ATP8B4: variants seen among roughly 807,000 people sequenced by gnomAD.
ATP8B4 encodes probable phospholipid-transporting ATPase IM.
A neutral mutation model predicts 145.6 loss-of-function variants in ATP8B4; 133 were observed. The ratio of observed to expected loss-of-function variants is 0.91; its 90% CI spans 0.79 to 1.05. ATP8B4 has a LOEUF of 1.05. Among genes scored for constraint, ATP8B4 ranks in the 50% least tolerant of loss-of-function variants. The pLI, the probability that ATP8B4 is intolerant of heterozygous loss-of-function variation, is 0.00. For missense variants in ATP8B4, 1,458 were observed against 1,425.2 expected (o/e 1.02, Z -0.37); for synonymous variants, 507 against 492.9 (o/e 1.03, Z -0.38).
At chr15:50,142,441 C>G (rs150080785) in intron 1 of ATP8B4, among the ~76,000 whole-genome samples, 1 of 152,122 alleles carries the variant, frequency 6.6e-6, no homozygotes, top group Non-Finnish European at 1.5e-5. Flanking sequence ...CTGTCACGCC[C>G]CTTCCCACTC....
chr15:50,018,571 A>C (rs2049283970), intron 6 of ATP8B4, among the ~76,000 whole-genome samples: 1 of 152,214 alleles, frequency 6.6e-6, no homozygotes, highest in Non-Finnish European at 1.5e-5. Flanking sequence ...GAATACCTGC[A>C]CTTCAGAATG....
At chr15:49,871,856 T>A (rs2033712128) in intron 25 of ATP8B4, among the ~76,000 whole-genome samples, 2 of 152,194 alleles carry the variant, frequency 1.3e-5, no homozygotes, top group African/African-American at 2.4e-5. Context: ...CTAGCTGTTT[T>A]AGGCCCTCAA....
chr15:50,106,712 T>C (rs187184385), intron 2 of ATP8B4, among the ~76,000 whole-genome samples: 13 of 152,282 alleles, frequency 8.5e-5, no homozygotes, highest in East Asian at 1.9e-4. Flanking sequence ...GTAGAAAGAA[T>C]GAACGAAAAG....
chr15:49,979,894 C>G, intron 11 of ATP8B4, 81 bp from the exon 12 acceptor site: 1 of 971,948 alleles, frequency 1.0e-6, no homozygotes, highest in Non-Finnish European at 1.5e-6. Flanking sequence ...ACGCATCTAA[C>G]TCCAAGAAAT....
At chr15:50,133,824 A>C (rs567209354) in intron 1 of ATP8B4, among the ~76,000 whole-genome samples, 37 of 152,252 alleles carry the variant, frequency 2.4e-4, no homozygotes, top group Admixed American at 7.2e-4. Flanking sequence ...AGTAAATCTT[A>C]AGCATTCTCT....
intron 7 of ATP8B4, among the ~76,000 whole-genome samples, chr15:50,010,443 T>C (rs1245903558): frequency 6.6e-6 from 1 of 152,074 alleles, no homozygotes; most frequent in Non-Finnish European, 1.5e-5. Context: ...TAGCTTATTT[T>C]TTTTCAAATA....
At chr15:49,897,581 A>T (rs775209323) in intron 22 of ATP8B4, 66 bp from the exon 23 acceptor site, 1 of 1,331,708 alleles carries the variant, frequency 7.5e-7, no homozygotes, top group South Asian at 2.1e-5. Flanking sequence ...GAAACTTGTC[A>T]TTCCTCTTTT....
chr15:49,971,555 T>C (rs2045134899), intron 13 of ATP8B4, among the ~76,000 whole-genome samples: 1 of 151,936 alleles, frequency 6.6e-6, no homozygotes, highest in African/African-American at 2.4e-5. Context: ...GAAATGCAAA[T>C]CAAAACCACA....
intron 16 of ATP8B4, among the ~76,000 whole-genome samples, chr15:49,924,159 C>T (rs8037948): frequency 0.13 from 20,124 of 152,062 alleles, 1,522 homozygotes; most frequent in Middle Eastern, 0.18. Flanking sequence ...AGGTTTGAGA[C>T]TGACAGCCCT....
intron 14 of ATP8B4, among the ~76,000 whole-genome samples, chr15:49,941,066 A>G (rs1439815205): frequency 1.3e-5 from 2 of 152,142 alleles, no homozygotes; most frequent in Non-Finnish European, 2.9e-5. Flanking sequence ...CTGGGAAAAG[A>G]AAGAATTATG....
rs772011578 is a variant in ATP8B4, at chr15:49,897,516, C to G, written c.2474-1G>C. Reference sequence around the variant, plus strand: ...CTGATGCCAACACCAATGTGAGCACCTACAAAGGAAAGAGGAACACTGTCA... The same window carrying G: ...CTGATGCCAACACCAATGTGAGCACGTACAAAGGAAAGAGGAACACTGTCA... On this transcript the variant is annotated splice_acceptor_variant, in intron 22 of 27. Transcript: ENST00000284509. LOFTEE classifies it high-confidence loss of function. The G allele has an allele frequency of 3.9e-6, 6 of 1,525,260 alleles. No individual in the cohort carries two copies. The highest frequency in any genetic ancestry group is 5.3e-6 in the Non-Finnish European group (6 of 1,136,222). The allele number at this position is 1,525,260 out of a possible 1,614,324, so 94.5% of individuals were successfully genotyped here. A position where few individuals can be genotyped will look rare whatever the true frequency, so the allele number is the denominator to read the frequency against.
intron 15 of ATP8B4, among the ~76,000 whole-genome samples, chr15:49,933,407 T>C (rs1051606951): frequency 6.6e-6 from 1 of 152,094 alleles, no homozygotes; most frequent in Non-Finnish European, 1.5e-5. Context: ...ACTATACCAT[T>C]ATCTACCTGT....
intron 21 of ATP8B4, 71 bp from the exon 22 acceptor site, chr15:49,898,322 G>GTTTTGTTTGCTAAAACCATTTC (rs2037643447): frequency 6.9e-7 from 1 of 1,453,452 alleles, no homozygotes; most frequent in Admixed American, 2.0e-5. Flanking sequence ...CAAGACAAAT[G>GTTTTGTTTGCTAAAACCATTTC]TTTTGTTTGC....
intron 25 of ATP8B4, among the ~76,000 whole-genome samples, chr15:49,875,518 G>A (rs1598834417): frequency 1.3e-5 from 2 of 152,144 alleles, no homozygotes; most frequent in Middle Eastern, 3.2e-3. Flanking sequence ...GTACCTACTC[G>A]GAGCTACAGA....
intron 7 of ATP8B4, among the ~76,000 whole-genome samples, chr15:50,005,040 G>A (rs1252433840): frequency 6.6e-6 from 1 of 152,136 alleles, no homozygotes; most frequent in Non-Finnish European, 1.5e-5. Flanking sequence ...GGAAAAGCGT[G>A]AATATCCAAA....
At chr15:50,004,279 T>C (rs1291004527) in intron 7 of ATP8B4, among the ~76,000 whole-genome samples, 1 of 152,172 alleles carries the variant, frequency 6.6e-6, no homozygotes, top group Non-Finnish European at 1.5e-5. Context: ...GTCAATGCGC[T>C]CATTGTCATG....
At chr15:49,925,842 G>A (rs2413978) in intron 16 of ATP8B4, among the ~76,000 whole-genome samples, 77,176 of 151,878 alleles carry the variant, frequency 0.51, 20,640 homozygotes, top group African/African-American at 0.58. Flanking sequence ...CCTTCTGGTC[G>A]TTTCTGTTCA....
At chr15:49,876,654 A>T (rs1209481852) in intron 24 of ATP8B4, 131 bp from the exon 25 acceptor site, 1 of 1,234,322 alleles carries the variant, frequency 8.1e-7, no homozygotes, top group Admixed American at 1.9e-5. Flanking sequence ...GGGCCAGAAC[A>T]GGACATTATC....
chr15:50,010,021 T>TA (rs1362905485), intron 7 of ATP8B4, among the ~76,000 whole-genome samples: 10 of 152,172 alleles, frequency 6.6e-5, no homozygotes, highest in African/African-American at 2.4e-4. Context: ...AGTGAATGTT[T>TA]AGGACTCTTA....
Sources: gnomAD v4.1 joint callset for allele counts (sites outside exome capture counted in the v4.1 genomes callset) on GRCh38, gnomAD v4.1.1 for gene constraint, MANE v1.5 for transcripts, NCBI Gene and HGNC (gene_info 2026-07-23, HGNC 2026-07-21) for gene names.